The following ZDHHC15 variants were observed in gnomAD, a reference collection of about 807,000 sequenced individuals.
The protein encoded by ZDHHC15 is palmitoyltransferase ZDHHC15.
In ZDHHC15, 19 loss-of-function variants were observed where a neutral mutation model predicts 31.7. The observed-to-expected ratio is 0.60, with a 90% CI of 0.42 to 0.88. The LOEUF is 0.88. Ranked by LOEUF, ZDHHC15 falls within the 40% of genes least tolerant of loss-of-function variation. The probability of loss-of-function intolerance (pLI) is 0.00; values close to 1 mark genes in which losing one functional copy is unlikely to be tolerated. For missense variants in ZDHHC15, 209 were observed against 251.2 expected, an observed-to-expected ratio of 0.83 and a Z score of 1.14; for synonymous variants, 103 against 90.0, an observed-to-expected ratio of 1.14 and a Z score of -0.82.
intron 3 of ZDHHC15, among the ~76,000 whole-genome samples, chrX:75,466,830 G>A (rs1398611214): frequency 9.6e-6 from 1 of 104,178 alleles, no homozygotes; most frequent in Non-Finnish European, 1.9e-5. Flanking sequence ...ACTTATAAGT[G>A]GGAGCTGAAC....
At chrX:75,491,972 C>T (rs1436243868) in intron 2 of ZDHHC15, among the ~76,000 whole-genome samples, 2 of 111,404 alleles carry the variant, frequency 1.8e-5, no homozygotes, top group Non-Finnish European at 3.8e-5. Context: ...GGGCTAAATG[C>T]TCCAATTAAA....
At chrX:75,459,867 C>T (rs1312041148) in intron 3 of ZDHHC15, among the ~76,000 whole-genome samples, 1 of 112,390 alleles carries the variant, frequency 8.9e-6, no homozygotes, top group Non-Finnish European at 1.9e-5. Flanking sequence ...GGCCAGACTG[C>T]TGCTTTTTTG....
intron 1 of ZDHHC15, among the ~76,000 whole-genome samples, chrX:75,508,262 A>C (rs956955670): frequency 9.5e-6 from 1 of 105,263 alleles, no homozygotes; most frequent in Non-Finnish European, 2.0e-5. Context: ...CGTCATTTAC[A>C]TTAGGTATAT....
At chrX:75,492,678 A>T (rs2084918930) in intron 2 of ZDHHC15, among the ~76,000 whole-genome samples, 1 of 111,841 alleles carries the variant, frequency 8.9e-6, no homozygotes, top group Non-Finnish European at 1.9e-5. Context: ...CTCCTGAATG[A>T]CTACTGGGTA....
At chrX:75,481,411 G>T (rs977529486) in intron 2 of ZDHHC15, among the ~76,000 whole-genome samples, 4 of 111,401 alleles carry the variant, frequency 3.6e-5, no homozygotes, top group African/African-American at 1.3e-4. Context: ...GGGAAGTGTG[G>T]GACTTTAACT....
At chrX:75,427,847 G>A (rs2083732832) in intron 7 of ZDHHC15, among the ~76,000 whole-genome samples, 1 of 111,074 alleles carries the variant, frequency 9.0e-6, no homozygotes, top group Admixed American at 9.6e-5. Context: ...TATTCTTAAA[G>A]TTATTAAATA....
At chrX:75,450,286 C>T (rs1468101663) in intron 4 of ZDHHC15, among the ~76,000 whole-genome samples, 1 of 111,017 alleles carries the variant, frequency 9.0e-6, no homozygotes, top group Non-Finnish European at 1.9e-5. Flanking sequence ...GGGGTGGGGT[C>T]GGATTGACTG....
intron 10 of ZDHHC15, among the ~76,000 whole-genome samples, chrX:75,409,086 T>C (rs2083452851): frequency 9.0e-6 from 1 of 111,727 alleles, no homozygotes; most frequent in African/African-American, 3.3e-5. Flanking sequence ...TTCACAGAAA[T>C]GGAAAAAATA....
chrX:75,394,327 A>T (rs1422055611), intron 10 of ZDHHC15, among the ~76,000 whole-genome samples: 1 of 111,442 alleles, frequency 9.0e-6, no homozygotes, highest in Non-Finnish European at 1.9e-5. Flanking sequence ...CCCATGAAAC[A>T]ACCAGAAAAC....
chrX:75,508,112 A>G (rs2085196583), intron 1 of ZDHHC15, among the ~76,000 whole-genome samples: 1 of 111,235 alleles, frequency 9.0e-6, no homozygotes, highest in Admixed American at 9.6e-5. Flanking sequence ...TAAAAAATAT[A>G]TTTTACCAAT....
chrX:75,431,393 T>A (rs372908273), intron 5 of ZDHHC15, 58 bp downstream of exon 5: 1 of 1,081,914 alleles, frequency 9.2e-7, no homozygotes, highest in Non-Finnish European at 1.3e-6. Context: ...GTCATTTTGT[T>A]GTCTAGGAAA....
chrX:75,382,837 T>A (rs2083130332), intron 10 of ZDHHC15, among the ~76,000 whole-genome samples: 2 of 111,661 alleles, frequency 1.8e-5, no homozygotes, highest in Admixed American at 1.9e-4. Flanking sequence ...TAAGGTGGTA[T>A]CAAAATGTGA....
chrX:75,425,540 G>A (rs2083702895), intron 7 of ZDHHC15, among the ~76,000 whole-genome samples: 1 of 112,244 alleles, frequency 8.9e-6, no homozygotes, highest in Non-Finnish European at 1.9e-5. Flanking sequence ...TCTGTAACAT[G>A]CGCAGCATGT....
At chrX:75,431,878 A>G (rs942633825) in intron 4 of ZDHHC15, among the ~76,000 whole-genome samples, 34 of 112,014 alleles carry the variant, frequency 3.0e-4, no homozygotes, top group African/African-American at 1.0e-3. Flanking sequence ...ATAAGGATTC[A>G]CAGTTTATCT....
intron 3 of ZDHHC15, among the ~76,000 whole-genome samples, chrX:75,471,533 G>C (rs1347185798): frequency 2.7e-5 from 3 of 112,214 alleles, no homozygotes; most frequent in Non-Finnish European, 5.6e-5. Context: ...CTGAGGTGAA[G>C]GATAAGTTGC....
At chrX:75,473,202 A>C (rs937908636) in intron 3 of ZDHHC15, among the ~76,000 whole-genome samples, 9 of 112,150 alleles carry the variant, frequency 8.0e-5, no homozygotes, top group Non-Finnish European at 1.7e-4. Flanking sequence ...ACAGTGGAAT[A>C]GCCTTTTGAA....
At chrX:75,449,197 TCTATACACACACACAC>T (rs879096701) in intron 4 of ZDHHC15, among the ~76,000 whole-genome samples, 370 of 36,083 alleles carry the variant, frequency 0.01, 2 homozygotes, top group South Asian at 0.02. Flanking sequence ...TCTCTCTCTC[TCTATACACACACACAC>T]ACACACACAC....
intron 4 of ZDHHC15, among the ~76,000 whole-genome samples, chrX:75,448,529 G>A (rs776342350): frequency 1.2e-3 from 133 of 111,443 alleles, no homozygotes; most frequent in Non-Finnish European, 2.1e-3. Flanking sequence ...ACTTTACATC[G>A]TAACATTTAA....
At chrX:75,508,234 A>G (rs1013698389) in intron 1 of ZDHHC15, among the ~76,000 whole-genome samples, 6 of 107,057 alleles carry the variant, frequency 5.6e-5, no homozygotes, top group Non-Finnish European at 1.2e-4. Context: ...CCATGTTGGT[A>G]TGGTGCACCC....
Sources: gnomAD v4.1 joint callset for allele counts (sites outside exome capture counted in the v4.1 genomes callset) on GRCh38, gnomAD v4.1.1 for gene constraint, MANE v1.5 for transcripts, NCBI Gene and HGNC (gene_info 2026-07-23, HGNC 2026-07-21) for gene names.